The following RBBP8 variants were observed in gnomAD, a reference collection of about 807,000 sequenced individuals.
RBBP8 encodes the protein RB binding protein 8, endonuclease.
A neutral mutation model predicts 108.3 loss-of-function variants in RBBP8; 88 were observed. The observed-to-expected ratio is 0.81, with a 90% confidence interval of 0.68 to 0.97. The LOEUF (loss-of-function observed/expected upper bound fraction) is 0.97, where lower values mean the gene tolerates loss of function less well. RBBP8 is among the 50% of genes least tolerant of loss of function. The probability of loss-of-function intolerance (pLI) is 0.00; values close to 1 mark genes in which losing one functional copy is unlikely to be tolerated. For synonymous variants in RBBP8, 332 were observed against 348.2 expected (o/e 0.95, Z 0.52); for missense variants, 1,023 against 1,049.0 (o/e 0.98, Z 0.34).
At chr18:22,917,754 A>C (rs1454938944) in intron 3 of RBBP8, among the ~76,000 whole-genome samples, 1 of 152,162 alleles carries the variant, frequency 6.6e-6, no homozygotes, top group Admixed American at 6.6e-5. Context: ...TAATCCCAGC[A>C]CTTTGGGAGG....
chr18:23,025,881 C>T (rs1349664773), intron 18 of RBBP8, among the ~76,000 whole-genome samples: 2 of 152,098 alleles, frequency 1.3e-5, no homozygotes, highest in African/African-American at 2.4e-5. Flanking sequence ...ATCTGTCAAA[C>T]AGGTATAGTA....
chr18:23,006,806 G>A (rs1042616549), intron 16 of RBBP8, among the ~76,000 whole-genome samples: 3 of 150,648 alleles, frequency 2.0e-5, no homozygotes, highest in Non-Finnish European at 3.0e-5. Context: ...CTGGCCAGTC[G>A]AGCTGTCTTT....
At chr18:22,965,265 T>C (rs1392798981) in intron 4 of RBBP8, among the ~76,000 whole-genome samples, 5 of 152,150 alleles carry the variant, frequency 3.3e-5, no homozygotes, top group Admixed American at 6.6e-5. Context: ...TCAGATGCCT[T>C]TTGATACTTG....
chr18:22,981,626 A>G (rs780588408), intron 6 of RBBP8, among the ~76,000 whole-genome samples: 1 of 152,218 alleles, frequency 6.6e-6, no homozygotes, highest in Non-Finnish European at 1.5e-5. Flanking sequence ...GTATTTGTCA[A>G]GCATGCTAAT....
At chr18:22,960,079 G>GACGTA (rs914143663) in intron 4 of RBBP8, among the ~76,000 whole-genome samples, 7 of 151,826 alleles carry the variant, frequency 4.6e-5, no homozygotes, top group Non-Finnish European at 8.8e-5. Context: ...TTTTTTCGTA[G>GACGTA]AGACGGGGTT....
Position 23,022,245 on chromosome 18 carries a change from T to C in RBBP8, c.2571T>C (p.Pro857=). ...AGAATTTTTGGGAAGTTGGTTTTCC[T>C]TCCACTCAGACTTGTATGGAAAGAG... ...TPENFWEVGF[P]STQTCMERGY... Residue 857 remains proline (P), a synonymous_variant, in exon 18 of 19, where the codon CCT becomes CCC. Transcript: ENST00000327155. 6.2e-7 allele frequency: 1 copy of C among 1,611,894 alleles called. No homozygotes were observed. Among genetic ancestry groups the C allele is most frequent in the Non-Finnish European group, 8.5e-7 (1 of 1,177,984 alleles).
At chr18:23,007,590 G>A (rs4405649) in intron 16 of RBBP8, among the ~76,000 whole-genome samples, 73,617 of 149,716 alleles carry the variant, frequency 0.49, 21,390 homozygotes, top group Middle Eastern at 0.66. Context: ...TGTAGTCACC[G>A]CTACTCAGGA....
chr18:22,918,355 C>CA (rs1182848483), intron 3 of RBBP8, among the ~76,000 whole-genome samples: 2 of 152,198 alleles, frequency 1.3e-5, no homozygotes, highest in Admixed American at 1.3e-4. Flanking sequence ...GCCTACTACA[C>CA]ACCTAGACTA....
intron 17 of RBBP8, among the ~76,000 whole-genome samples, chr18:23,020,625 T>G (rs778251769): frequency 6.6e-6 from 1 of 151,564 alleles, no homozygotes; most frequent in Non-Finnish European, 1.5e-5. Context: ...AGAATAAAAG[T>G]TAAATCATGT....
intron 16 of RBBP8, among the ~76,000 whole-genome samples, chr18:23,007,801 C>T (rs2046082794): frequency 6.7e-6 from 1 of 148,994 alleles, no homozygotes; most frequent in Non-Finnish European, 1.5e-5. Flanking sequence ...AACCTTTAAG[C>T]ATGTTTTGTT....
At chr18:22,946,613 A>G (rs971367944) in intron 3 of RBBP8, 127 bp downstream of exon 3, 4 of 1,395,630 alleles carry the variant, frequency 2.9e-6, no homozygotes, top group African/African-American at 2.9e-5. Context: ...TATAAAAAAA[A>G]TTAGCCCTAC....
intron 8 of RBBP8, among the ~76,000 whole-genome samples, chr18:22,986,033 G>A: frequency 6.8e-6 from 1 of 146,254 alleles, no homozygotes; most frequent in Non-Finnish European, 1.5e-5. Flanking sequence ...TATTACTGCA[G>A]ATCTACTGTA....
At chr18:22,975,705 TTATTTC>T (rs1914451243) in intron 6 of RBBP8, among the ~76,000 whole-genome samples, 1 of 152,058 alleles carries the variant, frequency 6.6e-6, no homozygotes, top group Non-Finnish European at 1.5e-5. Context: ...TTTATGTTTA[TTATTTC>T]TAATTCTCAC....
chr18:22,926,151 G>A (rs989143854), intron 3 of RBBP8, among the ~76,000 whole-genome samples: 13 of 152,120 alleles, frequency 8.5e-5, no homozygotes, highest in Admixed American at 4.6e-4. Context: ...TGCTGGCTGC[G>A]GTGGCTCACA....
At chr18:22,930,065 T>G (rs1380294332), upstream of RBBP8, among the ~76,000 whole-genome samples, 2 of 152,210 alleles carry the variant, frequency 1.3e-5, no homozygotes, top group African/African-American at 4.8e-5. Flanking sequence ...GTAAATGGCT[T>G]GAGTTAGATG....
intron 2 of RBBP8, among the ~76,000 whole-genome samples, chr18:22,945,069 A>G (rs1467407871): frequency 7.0e-6 from 1 of 143,828 alleles, no homozygotes; most frequent in Non-Finnish European, 1.5e-5. Flanking sequence ...TACCAAAGGC[A>G]TATAGTAAAT....
chr18:22,935,174 C>T (rs1338812734), intron 1 of RBBP8, among the ~76,000 whole-genome samples: 1 of 151,298 alleles, frequency 6.6e-6, no homozygotes, highest in Non-Finnish European at 1.5e-5. Context: ...AATAAATGTA[C>T]ACAAGAGAAA....
chr18:22,946,857 T>C (rs1262811124), intron 3 of RBBP8, among the ~76,000 whole-genome samples: 1 of 152,136 alleles, frequency 6.6e-6, no homozygotes, highest in Non-Finnish European at 1.5e-5. Flanking sequence ...TTCAACATGC[T>C]ACAAGACGAG....
At chr18:22,994,014 C>CTTTTTTTTTT (rs777055614) in intron 12 of RBBP8, among the ~76,000 whole-genome samples, 167 bp downstream of exon 12, 15 of 75,124 alleles carry the variant, frequency 2.0e-4, no homozygotes, top group Non-Finnish European at 2.3e-4. Context: ...TTTTTCTGTT[C>CTTTTTTTTTT]TTTTTTTTTT....
Sources: gnomAD v4.1 joint callset for allele counts (sites outside exome capture counted in the v4.1 genomes callset) on GRCh38, gnomAD v4.1.1 for gene constraint, MANE v1.5 for transcripts, NCBI Gene and HGNC (gene_info 2026-07-23, HGNC 2026-07-21) for gene names.